The following DCC variants were observed in gnomAD, a reference collection of about 807,000 sequenced individuals.
DCC encodes the protein netrin receptor DCC.
DCC carries 58 observed loss-of-function variants against 172.5 expected under a neutral mutation model. That is an observed-to-expected ratio of 0.34 (90% confidence interval 0.27 to 0.42). The LOEUF (loss-of-function observed/expected upper bound fraction) is 0.42. Among genes scored for constraint, DCC ranks in the 10% least tolerant of loss-of-function variants. The probability of loss-of-function intolerance (pLI) is 1.00; values close to 1 mark genes in which losing one functional copy is unlikely to be tolerated. For synonymous variants in DCC, 709 were observed against 644.5 expected, an observed-to-expected ratio of 1.10 and a Z score of -1.52; for missense variants, 1,740 against 1,791.0, an observed-to-expected ratio of 0.97 and a Z score of 0.51.
intron 21 of DCC, among the ~76,000 whole-genome samples, chr18:53,430,926 ATG>A (rs1164325763): frequency 2.0e-5 from 3 of 152,130 alleles, no homozygotes; most frequent in Non-Finnish European, 2.9e-5. Flanking sequence ...AGCATATGGT[ATG>A]TGCCAAAAAG....
chr18:52,393,209 A>T (rs1381477325), intron 1 of DCC, among the ~76,000 whole-genome samples: 3 of 152,116 alleles, frequency 2.0e-5, no homozygotes, highest in African/African-American at 7.2e-5. Context: ...GAAATGAAAG[A>T]ATGACATGCC....
At chr18:52,868,810 G>A (rs2039270746) in intron 2 of DCC, among the ~76,000 whole-genome samples, 1 of 152,144 alleles carries the variant, frequency 6.6e-6, no homozygotes, top group African/African-American at 2.4e-5. Context: ...GCACCAAGGG[G>A]TGTGGGAGTG....
chr18:52,347,349 AGTAT>A (rs1432561519), intron 1 of DCC, among the ~76,000 whole-genome samples: 9 of 152,200 alleles, frequency 5.9e-5, no homozygotes, highest in Admixed American at 3.3e-4. Context: ...CCTCTTTAAA[AGTAT>A]GTAGAACATA....
At chr18:52,789,877 CT>C (rs1159302081) in intron 2 of DCC, among the ~76,000 whole-genome samples, 1 of 152,166 alleles carries the variant, frequency 6.6e-6, no homozygotes, top group African/African-American at 2.4e-5. Flanking sequence ...ATATACTTCC[CT>C]CTTGTCTGGG....
chr18:53,183,815 G>T (rs995967567), intron 9 of DCC, among the ~76,000 whole-genome samples: 8 of 151,826 alleles, frequency 5.3e-5, no homozygotes, highest in East Asian at 1.9e-4. Flanking sequence ...GTTAGGAAAA[G>T]AACAGAGAAG....
intron 5 of DCC, among the ~76,000 whole-genome samples, chr18:53,013,049 ATCAT>A (rs2041753639): frequency 1.3e-5 from 2 of 152,212 alleles, no homozygotes; most frequent in African/African-American, 4.8e-5. Context: ...TAGAATGGCA[ATCAT>A]TAAAAAGTCT....
intron 15 of DCC, among the ~76,000 whole-genome samples, chr18:53,371,219 G>A (rs371462906): frequency 3.4e-4 from 51 of 152,008 alleles, no homozygotes; most frequent in African/African-American, 1.2e-3. Flanking sequence ...AAGATCATCT[G>A]TCTATTTGCA....
intron 3 of DCC, among the ~76,000 whole-genome samples, chr18:52,918,764 T>A (rs887779182): frequency 6.6e-6 from 1 of 152,114 alleles, no homozygotes; most frequent in African/African-American, 2.4e-5. Context: ...AAGGCAGATA[T>A]CTAGTTTAAT....
chr18:53,103,941 T>A (rs542031620), intron 7 of DCC, among the ~76,000 whole-genome samples: 13 of 152,098 alleles, frequency 8.5e-5, no homozygotes, highest in African/African-American at 2.9e-4. Context: ...GTGAGGCACT[T>A]TCTTGGGGTA....
intron 1 of DCC, among the ~76,000 whole-genome samples, chr18:52,357,681 G>A (rs913780680): frequency 5.3e-5 from 8 of 152,066 alleles, no homozygotes; most frequent in African/African-American, 1.4e-4. Context: ...AGGGGGAGGG[G>A]AGGAAGTTAA....
chr18:52,860,276 G>A (rs1167494504), intron 2 of DCC, among the ~76,000 whole-genome samples: 1 of 152,218 alleles, frequency 6.6e-6, no homozygotes, highest in Non-Finnish European at 1.5e-5. Flanking sequence ...TGGCACAAAA[G>A]CTGCTTATAT....
chr18:52,492,084 G>A lies in DCC; in HGVS notation c.91+151206G>A, dbSNP rs79869399. On this transcript the variant is annotated intron_variant, in intron 1 of 28. Coordinates refer to ENST00000442544, the MANE Select transcript of DCC (RefSeq NM_005215.4). Reference sequence around the variant, plus strand: ...AGGAAAGAACCGTCGTTTACTTCAAGGGGGGAAGTAATTTCACAAATGAGA... The same window carrying A: ...AGGAAAGAACCGTCGTTTACTTCAAAGGGGGAAGTAATTTCACAAATGAGA... Among the ~76,000 whole-genome samples, 986 of 152,120 alleles carry A rather than the reference G, an allele frequency of 6.5e-3. 6 individuals are homozygous for A. Among genetic ancestry groups the A allele is most frequent in the Non-Finnish European group, 0.011 (739 of 67,960 alleles).
intron 7 of DCC, among the ~76,000 whole-genome samples, chr18:53,118,535 C>A: frequency 6.6e-6 from 1 of 151,680 alleles, no homozygotes; most frequent in East Asian, 1.9e-4. Context: ...ATATTCATTC[C>A]TTTGGGAAGA....
chr18:52,774,908 C>T (rs377169554), intron 2 of DCC, among the ~76,000 whole-genome samples: 2 of 152,144 alleles, frequency 1.3e-5, no homozygotes, highest in South Asian at 4.1e-4. Flanking sequence ...GTAGCCTGTA[C>T]CAAAACTCTT....
chr18:52,931,691 G>T (rs905249974), intron 5 of DCC: 8 of 152,066 alleles, frequency 5.3e-5, no homozygotes, highest in Admixed American at 5.2e-4. Context: ...TATTAGACAA[G>T]ATTAATGACA....
intron 2 of DCC, among the ~76,000 whole-genome samples, chr18:52,866,753 A>G (rs887477670): frequency 2.0e-5 from 3 of 152,230 alleles, no homozygotes; most frequent in African/African-American, 7.2e-5. Context: ...ACTTTGCTGA[A>G]GTTGCTTATC....
chr18:52,422,695 TG>T (rs1987289935), intron 1 of DCC, among the ~76,000 whole-genome samples: 1 of 152,210 alleles, frequency 6.6e-6, no homozygotes, highest in Admixed American at 6.5e-5. Context: ...AAGTGCTTTG[TG>T]AAGGTGGAAG....
intron 22 of DCC, among the ~76,000 whole-genome samples, chr18:53,439,763 A>ATTTTTCTTT (rs1372809303): frequency 2.7e-5 from 3 of 112,502 alleles, no homozygotes; most frequent in East Asian, 4.5e-4. Context: ...ATGTAGTAGT[A>ATTTTTCTTT]TTTTTCTTTT....
chr18:52,843,771 C>T (rs930088958), intron 2 of DCC, among the ~76,000 whole-genome samples: 3 of 152,054 alleles, frequency 2.0e-5, no homozygotes, highest in Non-Finnish European at 4.4e-5. Flanking sequence ...GCTTATGATG[C>T]CAAATTTAAC....
Sources: gnomAD v4.1 joint callset for allele counts (sites outside exome capture counted in the v4.1 genomes callset) on GRCh38, gnomAD v4.1.1 for gene constraint, MANE v1.5 for transcripts, NCBI Gene and HGNC (gene_info 2026-07-23, HGNC 2026-07-21) for gene names.